Variants in OXCT1 observed in about 807,000 individuals in gnomAD.
OXCT1 encodes the protein succinyl-CoA:3-ketoacid coenzyme A transferase 1, mitochondrial.
Under a neutral mutation model 69.6 loss-of-function variants are expected in OXCT1, and 27 were observed. The ratio of observed to expected loss-of-function variants is 0.39; its 90% confidence interval spans 0.29 to 0.54. OXCT1 has a LOEUF of 0.54. OXCT1 is among the 20% of genes least tolerant of loss of function. The pLI is 0.72. For missense variants in OXCT1, 437 were observed against 650.2 expected, an observed-to-expected ratio of 0.67 and a Z score of 3.57; for synonymous variants, 202 against 217.8, an observed-to-expected ratio of 0.93 and a Z score of 0.64.
intron 13 of OXCT1, among the ~76,000 whole-genome samples, chr5:41,777,002 ATTC>A (rs1318495310): frequency 6.6e-6 from 1 of 152,208 alleles, no homozygotes; most frequent in East Asian, 1.9e-4. Context: ...ATTTTTTAAT[ATTC>A]TTATTTTTCT....
chr5:41,821,797 T>C (rs1747564610), intron 7 of OXCT1, among the ~76,000 whole-genome samples: 1 of 152,242 alleles, frequency 6.6e-6, no homozygotes, highest in Non-Finnish European at 1.5e-5. Context: ...ATTTTCTTGT[T>C]GTTGAGTTTT....
Position 41,853,020 on chromosome 5 carries a change from G to A in OXCT1, c.414+399C>T, listed in dbSNP as rs532966330. Reference sequence around the variant, plus strand: ...CGGGAGGTGGAGTTTGCAGTGAGCCGAGATCACACCGCCGCACTCCACCCT... The same window carrying A: ...CGGGAGGTGGAGTTTGCAGTGAGCCAAGATCACACCGCCGCACTCCACCCT... On this transcript the variant is annotated intron_variant, in intron 4 of 16. Transcript: ENST00000196371. 2.2e-4 allele frequency among the ~76,000 whole-genome samples: 33 copies of A among 151,432 alleles called. No homozygotes were observed. In the South Asian group the frequency reaches 5.2e-3, roughly 24 times the overall value.
At chr5:41,812,136 G>A (rs747939083) in intron 7 of OXCT1, among the ~76,000 whole-genome samples, 2 of 152,020 alleles carry the variant, frequency 1.3e-5, no homozygotes, top group South Asian at 2.1e-4. Context: ...GACCTCTAAC[G>A]AATAAGAATA....
chr5:41,819,171 T>C (rs1445505483), intron 7 of OXCT1, among the ~76,000 whole-genome samples: 1 of 152,146 alleles, frequency 6.6e-6, no homozygotes, highest in African/African-American at 2.4e-5. Flanking sequence ...GGTCAAAAGT[T>C]GTTAAACCAA....
chr5:41,807,583 A>G (rs982408448), intron 7 of OXCT1, 145 bp from the exon 8 acceptor site: 2 of 642,964 alleles, frequency 3.1e-6, no homozygotes, highest in Non-Finnish European at 5.6e-6. Context: ...ATGTATATGT[A>G]TACATATAGG....
chr5:41,861,445 A>G (rs976516360), intron 2 of OXCT1, 41 bp from the exon 3 acceptor site: 1 of 1,113,788 alleles, frequency 9.0e-7, no homozygotes, highest in Non-Finnish European at 1.4e-6. Context: ...TAAAGGGGGT[A>G]ACAATGTTCT....
intron 13 of OXCT1, among the ~76,000 whole-genome samples, chr5:41,779,994 T>C (rs2112174217): frequency 6.6e-6 from 1 of 152,220 alleles, no homozygotes; most frequent in East Asian, 1.9e-4. Context: ...ACATTTGAAT[T>C]TACAAATGTA....
At chr5:41,829,589 CAA>C (rs1429835846) in intron 7 of OXCT1, among the ~76,000 whole-genome samples, 2 of 152,078 alleles carry the variant, frequency 1.3e-5, no homozygotes, top group African/African-American at 4.8e-5. Context: ...AATAAAATGT[CAA>C]GATTAACACT....
chr5:41,862,103 C>T (rs1749765146), intron 2 of OXCT1, among the ~76,000 whole-genome samples: 2 of 152,034 alleles, frequency 1.3e-5, no homozygotes, highest in Admixed American at 6.6e-5. Flanking sequence ...CCCAGCTACT[C>T]GGGAGGCTAA....
chr5:41,860,272 A>G (rs923834919), intron 3 of OXCT1, among the ~76,000 whole-genome samples: 6 of 152,118 alleles, frequency 3.9e-5, no homozygotes, highest in African/African-American at 1.4e-4. Context: ...ACAGTAGGGA[A>G]TACATAACTA....
intron 14 of OXCT1, among the ~76,000 whole-genome samples, chr5:41,755,192 G>T (rs921705800): frequency 2.0e-5 from 3 of 151,958 alleles, no homozygotes; most frequent in Non-Finnish European, 2.9e-5. Flanking sequence ...CAAAGCTAAA[G>T]AATTTAAAGT....
chr5:41,805,343 T>A (rs756173881), intron 9 of OXCT1, among the ~76,000 whole-genome samples: 1 of 151,988 alleles, frequency 6.6e-6, no homozygotes, highest in African/African-American at 2.4e-5. Context: ...AAGCAAATTA[T>A]TGATTGCCAT....
At chr5:41,863,161 T>C (rs1314328225) in intron 1 of OXCT1, among the ~76,000 whole-genome samples, 1 of 152,150 alleles carries the variant, frequency 6.6e-6, no homozygotes, top group Admixed American at 6.5e-5. Flanking sequence ...GATACACATA[T>C]GTAGGAAAAA....
At chr5:41,772,874 G>A (rs1744940594) in intron 13 of OXCT1, among the ~76,000 whole-genome samples, 2 of 152,110 alleles carry the variant, frequency 1.3e-5, no homozygotes, top group Non-Finnish European at 2.9e-5. Flanking sequence ...GGGCCTCCTA[G>A]GTAACATCAT....
At chr5:41,855,253 T>C (rs1042138328) in intron 3 of OXCT1, among the ~76,000 whole-genome samples, 1 of 152,144 alleles carries the variant, frequency 6.6e-6, no homozygotes, top group Non-Finnish European at 1.5e-5. Context: ...ACGATTAATA[T>C]TGGTAGTGGG....
At position 41,853,519 on chromosome 5, in the gene OXCT1, G is replaced by A; in HGVS notation, c.314C>T (p.Ser105Phe). The part of the protein sequence containing the change: ...DNFGLGLLLR[S>F]KQIKRMVSSY... ...AGAGACCATGCGTTTTATCTGCTTG[G>A]ACCGAAGCAAAAGCCCCAAACCAAA... The change falls in exon 4 of 17, where the codon TCC (serine) becomes TTC (phenylalanine). Residue 105 changes from serine to phenylalanine, a missense_variant. Physicochemically the swap from Ser to Phe is radical, Grantham distance 155. Around this residue, in one of 4 missense-constraint regions of OXCT1, gnomAD observed 252 missense variants for 397.4 expected, o/e 0.63. Transcript: ENST00000196371. 1 of 1,613,852 alleles carries A rather than the reference G, an allele frequency of 6.2e-7. No individual in the cohort carries two copies. Among genetic ancestry groups the A allele is most frequent in the Non-Finnish European group, 8.5e-7 (1 of 1,179,866 alleles).
intron 7 of OXCT1, among the ~76,000 whole-genome samples, chr5:41,833,101 A>T (rs757845358): frequency 5.9e-5 from 9 of 152,336 alleles, no homozygotes; most frequent in Middle Eastern, 3.4e-3. Flanking sequence ...ATTCAAAGGG[A>T]TAACAAAATG....
intron 6 of OXCT1, among the ~76,000 whole-genome samples, chr5:41,841,210 C>T (rs962175627): frequency 1.3e-5 from 2 of 152,206 alleles, no homozygotes; most frequent in South Asian, 2.1e-4. Flanking sequence ...TGGGAATATA[C>T]GTTGATGGCA....
At chr5:41,737,028 A>C (rs897533111) in intron 16 of OXCT1, among the ~76,000 whole-genome samples, 1 of 152,230 alleles carries the variant, frequency 6.6e-6, no homozygotes, top group Non-Finnish European at 1.5e-5. Flanking sequence ...ATTAAGTAGA[A>C]CATTTTATTA....
Sources: allele counts gnomAD v4.1 joint callset (sites outside exome capture counted in the v4.1 genomes callset), GRCh38; gene constraint gnomAD v4.1.1; regional missense constraint gnomAD v4.1.1; transcripts MANE v1.5; gene names NCBI Gene and HGNC (gene_info 2026-07-23, HGNC 2026-07-21).